The following MCTP2 variants were observed in gnomAD, a reference collection of about 807,000 sequenced individuals.
MCTP2 encodes the protein multiple C2 and transmembrane domain-containing protein 2.
A neutral mutation model predicts 111.6 loss-of-function variants in MCTP2; 132 were observed. The ratio of observed to expected loss-of-function variants is 1.18; its 90% CI spans 1.03 to 1.37. MCTP2 has a LOEUF of 1.37. Among genes scored for constraint, MCTP2 ranks in the 40% most tolerant of loss-of-function variants. The pLI is 0.00. For synonymous variants in MCTP2, 395 were observed against 387.7 expected (o/e 1.02, Z -0.22); for missense variants, 1,183 against 1,067.9 (o/e 1.11, Z -1.50).
At chr15:94,289,211 T>TA (rs1200170244) in intron 1 of MCTP2, among the ~76,000 whole-genome samples, 1 of 151,988 alleles carries the variant, frequency 6.6e-6, no homozygotes, top group South Asian at 2.1e-4. Context: ...GCTAAAAACT[T>TA]AAAAAAATAT....
At chr15:94,266,672 A>G (rs1471552742) in intron 1 of MCTP2, among the ~76,000 whole-genome samples, 1 of 152,214 alleles carries the variant, frequency 6.6e-6, no homozygotes, top group Non-Finnish European at 1.5e-5. Context: ...GAAGGGTATC[A>G]GAGGCAAGGC....
At chr15:94,243,360 C>G (rs1416722294) in intron 1 of MCTP2, among the ~76,000 whole-genome samples, 1 of 144,870 alleles carries the variant, frequency 6.9e-6, no homozygotes. Context: ...CATACGTATG[C>G]GTATATGCGT....
At chr15:94,410,850 G>A (rs1207252388) in intron 17 of MCTP2, among the ~76,000 whole-genome samples, 1 of 152,198 alleles carries the variant, frequency 6.6e-6, no homozygotes, top group Non-Finnish European at 1.5e-5. Flanking sequence ...GATCATAATA[G>A]CCTGTGGCCG....
At chr15:94,385,342 G>A in intron 13 of MCTP2, 81 bp from the exon 14 acceptor site, 1 of 937,204 alleles carries the variant, frequency 1.1e-6, no homozygotes, top group South Asian at 1.4e-5. Flanking sequence ...GACTTAATTA[G>A]TGAAACAGTG....
intron 1 of MCTP2, among the ~76,000 whole-genome samples, chr15:94,257,082 G>A (rs2072822591): frequency 6.6e-6 from 1 of 152,086 alleles, no homozygotes; most frequent in East Asian, 1.9e-4. Flanking sequence ...AGGCAGATCT[G>A]GCTCTGTTGA....
chr15:94,464,269 A>ATAATATATATATATTATATATATATATAT (rs2152533517), intron 20 of MCTP2, among the ~76,000 whole-genome samples: 1 of 61,498 alleles, frequency 1.6e-5, no homozygotes, highest in African/African-American at 5.6e-5. Flanking sequence ...ATATATATAT[A>ATAATATATATATATTATATATATATATAT]TATATATATA....
At chr15:94,279,144 A>G (rs2074357267) in intron 1 of MCTP2, among the ~76,000 whole-genome samples, 1 of 152,146 alleles carries the variant, frequency 6.6e-6, no homozygotes, top group Non-Finnish European at 1.5e-5. Context: ...TTTTTTTTCT[A>G]AATCTGTGAA....
At chr15:94,337,886 A>T (rs962395881) in intron 4 of MCTP2, among the ~76,000 whole-genome samples, 2 of 152,172 alleles carry the variant, frequency 1.3e-5, no homozygotes, top group African/African-American at 4.8e-5. Context: ...TTAATCTAGT[A>T]AGGCTTTTAA....
At chr15:94,420,886 A>C (rs2082595444) in intron 17 of MCTP2, among the ~76,000 whole-genome samples, 2 of 152,210 alleles carry the variant, frequency 1.3e-5, no homozygotes, top group African/African-American at 4.8e-5. Flanking sequence ...AGATGCTGTC[A>C]AAGAGCATCA....
intron 19 of MCTP2, among the ~76,000 whole-genome samples, chr15:94,454,890 G>A (rs2084712610): frequency 6.6e-6 from 1 of 152,140 alleles, no homozygotes; most frequent in South Asian, 2.1e-4. Context: ...CCGTGATCTT[G>A]CCTCACCGCA....
At chr15:94,463,291 TAG>T (rs1434942277) in intron 20 of MCTP2, among the ~76,000 whole-genome samples, 1 of 152,334 alleles carries the variant, frequency 6.6e-6, no homozygotes, top group East Asian at 1.9e-4. Flanking sequence ...ATTATTATTT[TAG>T]AGTTTTCTGT....
At chr15:94,321,382 T>C (rs1403534105) in intron 4 of MCTP2, among the ~76,000 whole-genome samples, 2 of 152,234 alleles carry the variant, frequency 1.3e-5, no homozygotes, top group African/African-American at 4.8e-5. Context: ...ACACATTGTA[T>C]GCATGTATCA....
chr15:94,432,796 T>G (rs1160660429), intron 17 of MCTP2, among the ~76,000 whole-genome samples: 1 of 152,190 alleles, frequency 6.6e-6, no homozygotes, highest in Non-Finnish European at 1.5e-5. Context: ...AATTCACTCT[T>G]GAAGGACAAA....
At chr15:94,312,799 G>A (rs1448678755) in intron 2 of MCTP2, among the ~76,000 whole-genome samples, 1 of 152,104 alleles carries the variant, frequency 6.6e-6, no homozygotes, top group Non-Finnish European at 1.5e-5. Context: ...AGAGGCAGTG[G>A]GCCAGAAAGC....
At chr15:94,327,878 G>A (rs1404238689) in intron 4 of MCTP2, among the ~76,000 whole-genome samples, 1 of 152,196 alleles carries the variant, frequency 6.6e-6, no homozygotes, top group Non-Finnish European at 1.5e-5. Context: ...GTGCAGTCTT[G>A]TGGATTGATC....
At chr15:94,280,304 C>A (rs531158512) in intron 1 of MCTP2, among the ~76,000 whole-genome samples, 1 of 151,748 alleles carries the variant, frequency 6.6e-6, no homozygotes, top group Non-Finnish European at 1.5e-5. Flanking sequence ...TTGGTCAGAT[C>A]AGAATTTCAA....
At chr15:94,413,307 A>G (rs1054437179) in intron 17 of MCTP2, among the ~76,000 whole-genome samples, 1 of 152,278 alleles carries the variant, frequency 6.6e-6, no homozygotes, top group South Asian at 2.1e-4. Context: ...CATGTTGTGT[A>G]CTTTTCTGTT....
intron 1 of MCTP2, among the ~76,000 whole-genome samples, chr15:94,238,347 A>G (rs1335252133): frequency 6.6e-6 from 1 of 152,180 alleles, no homozygotes; most frequent in African/African-American, 2.4e-5. Context: ...AAATTAATGT[A>G]TATCGTATGA....
chr15:94,318,348 A>G (rs1475628095), intron 4 of MCTP2, among the ~76,000 whole-genome samples: 1 of 151,562 alleles, frequency 6.6e-6, no homozygotes, highest in Non-Finnish European at 1.5e-5. Context: ...CAGTGGCACA[A>G]TCTTAGCTCA....
Sources: allele counts gnomAD v4.1 joint callset (sites outside exome capture counted in the v4.1 genomes callset), GRCh38; gene constraint gnomAD v4.1.1; transcripts MANE v1.5; gene names NCBI Gene and HGNC (gene_info 2026-07-23, HGNC 2026-07-21).